The following PTPRG variants were observed in gnomAD, a reference collection of about 807,000 sequenced individuals.
The protein encoded by PTPRG is protein tyrosine phosphatase receptor type G.
In PTPRG, 102 loss-of-function variants were observed where a neutral mutation model predicts 165.3. The ratio of observed to expected loss-of-function variants is 0.62; its 90% CI spans 0.53 to 0.73. The LOEUF (loss-of-function observed/expected upper bound fraction) is 0.73. PTPRG is among the 30% of genes least tolerant of loss of function. PTPRG has a pLI of 0.00. For synonymous variants in PTPRG, 675 were observed against 669.5 expected (o/e 1.01, Z -0.13); for missense variants, 1,866 against 1,861.4 (o/e 1.00, Z -0.05).
At chr3:62,041,591 C>T (rs938099780) in intron 4 of PTPRG, among the ~76,000 whole-genome samples, 1 of 152,160 alleles carries the variant, frequency 6.6e-6, no homozygotes, top group African/African-American at 2.4e-5. Context: ...GCTTAGAGAT[C>T]ACCTTTTGGC....
intron 3 of PTPRG, among the ~76,000 whole-genome samples, chr3:61,999,194 C>T (rs535546478): frequency 2.0e-5 from 3 of 152,014 alleles, no homozygotes; most frequent in Non-Finnish European, 2.9e-5. Flanking sequence ...TACAGGTGCC[C>T]GCCACCACAC....
At chr3:61,866,377 G>T (rs991054844) in intron 2 of PTPRG, among the ~76,000 whole-genome samples, 2 of 152,084 alleles carry the variant, frequency 1.3e-5, no homozygotes, top group Admixed American at 1.3e-4. Context: ...GCCAGAGGTG[G>T]TGCTAATCAG....
rs917052600 is a variant in PTPRG, at chr3:62,210,635, C to T, written c.2155+6685C>T. ...TATCCACTTATACACGAGTTTTCTTCTGTCTCTGCTACCCCTGAGAGAGCA... is the reference window on the plus strand; with the variant it reads ...TATCCACTTATACACGAGTTTTCTTTTGTCTCTGCTACCCCTGAGAGAGCA... On this transcript the variant is annotated intron_variant, in intron 12 of 29. Coordinates refer to ENST00000474889, the MANE Select transcript of PTPRG (RefSeq NM_002841.4). The surrounding 1 kb of genome is among the most constrained non-coding windows in gnomAD (Gnocchi z 4.1). 6.6e-6 allele frequency among the ~76,000 whole-genome samples: 1 copy of T among 152,160 alleles called. No individual in the cohort carries two copies. Among genetic ancestry groups the T allele is most frequent in the African/African-American group, 2.4e-5 (1 of 41,444 alleles).
chr3:62,127,440 T>A (rs566686215), intron 5 of PTPRG, among the ~76,000 whole-genome samples: 1 of 152,318 alleles, frequency 6.6e-6, no homozygotes, highest in East Asian at 1.9e-4. Context: ...AATACACAGT[T>A]ACCTGCTAAC....
chr3:61,725,656 A>G (rs895114518), intron 1 of PTPRG, among the ~76,000 whole-genome samples: 3 of 149,644 alleles, frequency 2.0e-5, no homozygotes, highest in Admixed American at 1.3e-4. Flanking sequence ...TACCCACTCT[A>G]TTCTTCTCTT....
intron 27 of PTPRG, among the ~76,000 whole-genome samples, 166 bp from the exon 28 acceptor site, chr3:62,282,561 A>C (rs1451620905): frequency 1.3e-5 from 2 of 151,720 alleles, no homozygotes; most frequent in Admixed American, 1.3e-4. Context: ...AAACAAAAAA[A>C]AAAAACCTTC....
intron 5 of PTPRG, among the ~76,000 whole-genome samples, chr3:62,088,515 C>G (rs535939785): frequency 6.6e-6 from 1 of 152,308 alleles, no homozygotes; most frequent in Admixed American, 6.5e-5. Flanking sequence ...ACTTGCATGC[C>G]AAAATATTTA....
chr3:62,025,050 G>A (rs113104863), intron 4 of PTPRG, among the ~76,000 whole-genome samples: 2 of 152,300 alleles, frequency 1.3e-5, no homozygotes, highest in African/African-American at 4.8e-5. Context: ...ACCCCAGTTA[G>A]AAGGGAGAGC....
chr3:61,622,042 C>A (rs1701472907), intron 1 of PTPRG, among the ~76,000 whole-genome samples: 1 of 152,118 alleles, frequency 6.6e-6, no homozygotes, highest in Admixed American at 6.5e-5. Flanking sequence ...TCTTAGATAC[C>A]AAAATAACAG....
At chr3:61,604,485 A>C (rs3856946) in intron 1 of PTPRG, among the ~76,000 whole-genome samples, 83,388 of 152,004 alleles carry the variant, frequency 0.55, 23,165 homozygotes, top group South Asian at 0.64. Context: ...TAAACATTAA[A>C]GGCCCATATG....
intron 1 of PTPRG, among the ~76,000 whole-genome samples, chr3:61,572,391 C>T (rs183146520): frequency 5.3e-5 from 8 of 152,122 alleles, no homozygotes; most frequent in African/African-American, 1.4e-4. Flanking sequence ...TGGGGGCAGA[C>T]GTCTTTGTCT....
At chr3:61,704,347 C>A (rs1475163867) in intron 1 of PTPRG, among the ~76,000 whole-genome samples, 1 of 152,048 alleles carries the variant, frequency 6.6e-6, no homozygotes, top group African/African-American at 2.4e-5. Flanking sequence ...ACACTTTGGG[C>A]CAGATAATTG....
chr3:61,778,899 A>G (rs1405317951), intron 2 of PTPRG, among the ~76,000 whole-genome samples: 4 of 152,158 alleles, frequency 2.6e-5, no homozygotes, highest in African/African-American at 4.8e-5. Context: ...AGACCCTGGA[A>G]GCAAAGCAAA....
intron 20 of PTPRG, among the ~76,000 whole-genome samples, chr3:62,269,547 G>T (rs1701993296): frequency 6.6e-6 from 1 of 152,102 alleles, no homozygotes. Context: ...TACTTGTCCT[G>T]TAAGATTCTT....
At chr3:62,135,832 A>C (rs962378329) in intron 6 of PTPRG, among the ~76,000 whole-genome samples, 1 of 152,302 alleles carries the variant, frequency 6.6e-6, no homozygotes, top group South Asian at 2.1e-4. Context: ...GCTGTAAGGA[A>C]GTCTTTGCCA....
chr3:61,675,483 A>T (rs1426376266), intron 1 of PTPRG, among the ~76,000 whole-genome samples: 3 of 152,160 alleles, frequency 2.0e-5, no homozygotes, highest in African/African-American at 7.2e-5. Context: ...ATCAGCCAGA[A>T]ACTGAGTCCC....
intron 2 of PTPRG, among the ~76,000 whole-genome samples, chr3:61,795,956 C>T (rs2107147981): frequency 6.6e-6 from 1 of 152,220 alleles, no homozygotes; most frequent in African/African-American, 2.4e-5. Context: ...CAGCAGATAC[C>T]TCTTTAACTT....
chr3:62,102,918 A>G (rs1702340503), intron 5 of PTPRG, among the ~76,000 whole-genome samples: 1 of 152,158 alleles, frequency 6.6e-6, no homozygotes. Context: ...ACAAGTTTTG[A>G]AAAGGCATTT....
intron 2 of PTPRG, among the ~76,000 whole-genome samples, chr3:61,924,869 G>A (rs1426418468): frequency 1.3e-5 from 2 of 152,176 alleles, no homozygotes; most frequent in African/African-American, 2.4e-5. Flanking sequence ...CCAGTGTGAT[G>A]GTATTTGGAG....
Sources: allele counts gnomAD v4.1 joint callset (sites outside exome capture counted in the v4.1 genomes callset), GRCh38; gene constraint gnomAD v4.1.1; non-coding constraint Gnocchi (gnomAD v3.1); transcripts MANE v1.5; gene names NCBI Gene and HGNC (gene_info 2026-07-23, HGNC 2026-07-21).